Variants in DLG2 observed in about 807,000 individuals in gnomAD.
DLG2 encodes disks large homolog 2.
Under a neutral mutation model 132.5 loss-of-function variants are expected in DLG2, and 45 were observed. The ratio of observed to expected loss-of-function variants is 0.34; its 90% CI spans 0.27 to 0.44. The LOEUF (loss-of-function observed/expected upper bound fraction) is 0.44. DLG2 is among the 20% of genes least tolerant of loss of function. The probability of loss-of-function intolerance (pLI) is 1.00; values close to 1 mark genes in which losing one functional copy is unlikely to be tolerated. For synonymous variants in DLG2, 424 were observed against 419.6 expected, an observed-to-expected ratio of 1.01 and a Z score of -0.13; for missense variants, 1,045 against 1,196.9, an observed-to-expected ratio of 0.87 and a Z score of 1.87.
Position 83,577,717 on chromosome 11 carries a change from T to C in DLG2, c.1941-35859A>G, listed in dbSNP as rs1405317195. Among the ~76,000 whole-genome samples the C allele has an allele frequency of 9.6e-4, 122 of 127,400 alleles. 1 individual carries two copies. In the South Asian group the frequency reaches 9.6e-3, roughly 10 times the overall value. 83.6% of individuals were successfully genotyped at this position (127,400 alleles called of 152,430 possible). A position where few individuals can be genotyped will look rare whatever the true frequency, so the allele number is the denominator to read the frequency against. ...AAATAGGATATTATAAATATATAATTATTAAATTATCCTATAAATAGGATA... is the reference window on the plus strand; with the variant it reads ...AAATAGGATATTATAAATATATAATCATTAAATTATCCTATAAATAGGATA... On this transcript the variant is annotated intron_variant, in intron 19 of 27. Transcript: ENST00000376104.
At chr11:85,016,561 C>T (rs1247948175) in intron 6 of DLG2, among the ~76,000 whole-genome samples, 2 of 152,098 alleles carry the variant, frequency 1.3e-5, no homozygotes, top group Admixed American at 6.6e-5. Flanking sequence ...ATAAATACTG[C>T]ATCTGGTCTC....
intron 6 of DLG2, among the ~76,000 whole-genome samples, chr11:84,899,625 A>C (rs1206417432): frequency 9.9e-5 from 15 of 152,082 alleles, no homozygotes; most frequent in Non-Finnish European, 1.9e-4. Flanking sequence ...ATTATATTAC[A>C]TAAATGTCAA....
intron 3 of DLG2, among the ~76,000 whole-genome samples, chr11:85,287,315 G>GCAAAGAAAAAGACAAGCAAACT: frequency 1.3e-5 from 2 of 151,928 alleles, no homozygotes; most frequent in Middle Eastern, 3.4e-3. Flanking sequence ...AATACAAATC[G>GCAAAGAAAAAGACAAGCAAACT]CAAAGAAAAA....
At chr11:84,309,753 G>A (rs1021114002) in intron 7 of DLG2, among the ~76,000 whole-genome samples, 19 of 152,198 alleles carry the variant, frequency 1.2e-4, no homozygotes, top group African/African-American at 4.3e-4. Flanking sequence ...TTGGCATGAT[G>A]GATACATAGG....
chr11:84,594,823 T>C (rs546952696), intron 6 of DLG2, among the ~76,000 whole-genome samples: 1 of 152,220 alleles, frequency 6.6e-6, no homozygotes, highest in South Asian at 2.1e-4. Flanking sequence ...CAGGTTTCCA[T>C]GGATACAACT....
At chr11:85,426,922 A>C (rs1040352726) in intron 3 of DLG2, among the ~76,000 whole-genome samples, 6 of 152,222 alleles carry the variant, frequency 3.9e-5, no homozygotes, top group Non-Finnish European at 5.9e-5. Flanking sequence ...CAATGCAGAG[A>C]AGTCCTTAAA....
intron 5 of DLG2, among the ~76,000 whole-genome samples, chr11:85,116,238 T>G (rs1594424882): frequency 6.6e-6 from 1 of 152,030 alleles, no homozygotes; most frequent in East Asian, 1.9e-4. Flanking sequence ...ATTAATTTTA[T>G]GAGCTAATTC....
intron 15 of DLG2, among the ~76,000 whole-genome samples, chr11:83,923,826 A>G (rs2078415964): frequency 6.6e-6 from 1 of 152,136 alleles, no homozygotes; most frequent in Non-Finnish European, 1.5e-5. Flanking sequence ...CAGGTGGCAG[A>G]GTGATCTTTT....
intron 11 of DLG2, among the ~76,000 whole-genome samples, chr11:84,048,079 T>C (rs1427900045): frequency 1.3e-5 from 2 of 151,554 alleles, no homozygotes; most frequent in East Asian, 3.9e-4. Flanking sequence ...ACAACGTGCA[T>C]GCACAAGAAA....
intron 16 of DLG2, among the ~76,000 whole-genome samples, chr11:83,859,520 T>C (rs1028484771): frequency 1.3e-5 from 2 of 152,218 alleles, no homozygotes; most frequent in East Asian, 1.9e-4. Context: ...ATTTAGGGTA[T>C]CTGGCAGAAG....
intron 7 of DLG2, among the ~76,000 whole-genome samples, chr11:84,421,161 A>G (rs1404959438): frequency 6.6e-6 from 1 of 152,174 alleles, no homozygotes; most frequent in East Asian, 1.9e-4. Context: ...TCTATGAACC[A>G]GGAAGTGAGC....
chr11:83,835,174 T>A (rs529627216), intron 16 of DLG2, among the ~76,000 whole-genome samples: 2 of 152,344 alleles, frequency 1.3e-5, no homozygotes, highest in Non-Finnish European at 2.9e-5. Flanking sequence ...AAATACTTTG[T>A]AAACACCTAC....
At chr11:85,505,661 G>A (rs539551642) in intron 3 of DLG2, among the ~76,000 whole-genome samples, 177 of 152,286 alleles carry the variant, frequency 1.2e-3, no homozygotes, top group Non-Finnish European at 1.9e-3. Flanking sequence ...GTTCATCAGG[G>A]ATATTGGTCT....
intron 7 of DLG2, among the ~76,000 whole-genome samples, chr11:84,307,296 T>C (rs2098230249): frequency 6.6e-6 from 1 of 152,102 alleles, no homozygotes; most frequent in Non-Finnish European, 1.5e-5. Flanking sequence ...GAGCTAAATA[T>C]TGAGTACTCA....
Position 83,582,042 on chromosome 11 carries a change from C to T in DLG2, c.1941-40184G>A, listed in dbSNP as rs149561291. Among the ~76,000 whole-genome samples, 327 of 148,548 alleles carry T rather than the reference C, an allele frequency of 2.2e-3. 1 individual carries two copies. The highest frequency in any genetic ancestry group is 7.5e-3 in the African/African-American group (301 of 40,188). On this transcript the variant is annotated intron_variant, in intron 19 of 27. Transcript: ENST00000376104. ...CTCAATCTCAGCTCACTGCAACCTCCGCCTCACAGATTCAAGCGATTCTCC... is the reference window on the plus strand; with the variant it reads ...CTCAATCTCAGCTCACTGCAACCTCTGCCTCACAGATTCAAGCGATTCTCC...
At chr11:85,422,400 T>C (rs1277872663) in intron 3 of DLG2, among the ~76,000 whole-genome samples, 1 of 152,164 alleles carries the variant, frequency 6.6e-6, no homozygotes, top group Non-Finnish European at 1.5e-5. Flanking sequence ...TCCCTTTGTC[T>C]TTGTTGGGTT....
Position 84,682,543 on chromosome 11 carries a change from G to C in DLG2, c.358-147812C>G, listed in dbSNP as rs906873542. ...CTCCACGGCTTTCCTCCTGTGGTTA[G>C]TACTAACAATCAGATGTGGTTGCTG... On this transcript the variant is annotated intron_variant, in intron 6 of 27. Coordinates refer to ENST00000376104, the MANE Select transcript of DLG2 (RefSeq NM_001142699.3). Among the ~76,000 whole-genome samples, 23 of 152,176 alleles carry C rather than the reference G, an allele frequency of 1.5e-4. 1 individual carries two copies. Among genetic ancestry groups the C allele is most frequent in the Admixed American group, 1.0e-3 (16 of 15,280 alleles).
rs201354682 is a variant in DLG2 at position 84,224,094 on chromosome 11, C to T, written c.573+27144G>A. On this transcript the variant is annotated intron_variant, in intron 8 of 27. Transcript: ENST00000376104. The stretch of plus-strand genomic sequence containing the variant: ...CTTCCTGCCTTCCCCTAACTCCTCC[C>T]ACATTGTCTGTCCCCACTGTTCCCC... 5.3e-5 allele frequency among the ~76,000 whole-genome samples: 8 copies of T among 152,328 alleles called. 1 individual carries two copies. The East Asian group carries it at 1.5e-3, about 29-fold the overall frequency.
chr11:83,578,565 G>A (rs1265815483), intron 19 of DLG2, among the ~76,000 whole-genome samples: 1 of 151,944 alleles, frequency 6.6e-6, no homozygotes, highest in South Asian at 2.1e-4. Flanking sequence ...TTAAAGAGAT[G>A]GAAAAAATAT....
Sources: allele counts gnomAD v4.1 joint callset (sites outside exome capture counted in the v4.1 genomes callset), GRCh38; gene constraint gnomAD v4.1.1; transcripts MANE v1.5; gene names NCBI Gene and HGNC (gene_info 2026-07-23, HGNC 2026-07-21).